The following EEIG2 variants were observed in gnomAD, a reference collection of about 807,000 sequenced individuals.
The protein encoded by EEIG2 is family with sequence similarity 102 member B.
the EEIG2 span, chr1:108,625,135 G>C: frequency 3.0e-5 from 5 of 164,530 alleles, no homozygotes; most frequent in African/African-American, 1.2e-4. Flanking sequence ...GTGTGCATCA[G>C]AGTCTCCTGG....
the EEIG2 span, among the ~76,000 whole-genome samples, chr1:108,582,573 G>T: frequency 6.6e-6 from 1 of 152,086 alleles, no homozygotes; most frequent in African/African-American, 2.4e-5. Flanking sequence ...GTCAGCAAAT[G>T]CTATCATGTG....
At chr1:108,606,382 GA>G in the EEIG2 span, 1 of 487,886 alleles carries the variant, frequency 2.0e-6, no homozygotes, top group Non-Finnish European at 3.6e-6. Context: ...GCAACTTGGA[GA>G]TTGAACAGTT....
At chr1:108,579,626 A>G in the EEIG2 span, among the ~76,000 whole-genome samples, 1 of 151,566 alleles carries the variant, frequency 6.6e-6, no homozygotes, top group Non-Finnish European at 1.5e-5. Flanking sequence ...CCCCAAATCA[A>G]CAGAATATAC....
the EEIG2 span, among the ~76,000 whole-genome samples, chr1:108,622,871 G>T: frequency 6.6e-6 from 1 of 152,152 alleles, no homozygotes; most frequent in African/African-American, 2.4e-5. Flanking sequence ...CCACCTCCCT[G>T]TTTTATCTCT....
chr1:108,636,295 A>G, the EEIG2 span: 2 of 152,216 alleles, frequency 1.3e-5, no homozygotes, highest in African/African-American at 4.8e-5. Context: ...CTGTTCTTAC[A>G]TGACGGTTTC....
chr1:108,599,767 G>C, the EEIG2 span, among the ~76,000 whole-genome samples: 1 of 152,204 alleles, frequency 6.6e-6, no homozygotes, highest in Non-Finnish European at 1.5e-5. Context: ...CGAGGCAGGT[G>C]GATTACCTGA....
the EEIG2 span, among the ~76,000 whole-genome samples, chr1:108,614,379 C>T: frequency 6.6e-6 from 1 of 152,156 alleles, no homozygotes. Context: ...AAGCCATGCT[C>T]ACTGCCATCT....
chr1:108,583,336 A>C, the EEIG2 span, among the ~76,000 whole-genome samples: 2 of 151,608 alleles, frequency 1.3e-5, no homozygotes, highest in South Asian at 4.2e-4. Flanking sequence ...GTAGAGATGG[A>C]GTTTCACCAC....
chr1:108,586,196 C>T, the EEIG2 span, among the ~76,000 whole-genome samples: 1 of 151,952 alleles, frequency 6.6e-6, no homozygotes, highest in African/African-American at 2.4e-5. Context: ...ATGCAGAAGA[C>T]TCCAGGAGTT....
At chr1:108,606,402 C>T in the EEIG2 span, 1 of 452,726 alleles carries the variant, frequency 2.2e-6, no homozygotes, top group Non-Finnish European at 4.0e-6. Flanking sequence ...TTGGATCTAA[C>T]AGTAAATTAT....
the EEIG2 span, among the ~76,000 whole-genome samples, chr1:108,567,204 A>C: frequency 6.6e-6 from 1 of 152,328 alleles, no homozygotes; most frequent in East Asian, 1.9e-4. Context: ...CTGACCAGAA[A>C]TGGAGTCATC....
the EEIG2 span, among the ~76,000 whole-genome samples, chr1:108,609,327 G>A: frequency 6.6e-6 from 1 of 152,160 alleles, no homozygotes; most frequent in African/African-American, 2.4e-5. Flanking sequence ...TGGAAGCAGG[G>A]GTCGTTGGAG....
the EEIG2 span, among the ~76,000 whole-genome samples, chr1:108,609,186 A>G: frequency 2.0e-5 from 3 of 152,224 alleles, no homozygotes; most frequent in African/African-American, 4.8e-5. Flanking sequence ...TGGTAAGCCA[A>G]TGGGCTATTG....
At chr1:108,622,372 G>C in the EEIG2 span, among the ~76,000 whole-genome samples, 1 of 152,168 alleles carries the variant, frequency 6.6e-6, no homozygotes, top group Admixed American at 6.5e-5. Context: ...GGAGACCCTT[G>C]CAGTCAGCCA....
the EEIG2 span, among the ~76,000 whole-genome samples, chr1:108,599,184 A>G: frequency 6.6e-6 from 1 of 152,100 alleles, no homozygotes; most frequent in South Asian, 2.1e-4. Flanking sequence ...AACAACAAAA[A>G]AAAAACAACT....
chr1:108,562,371 CCT>C, the EEIG2 span, among the ~76,000 whole-genome samples: 30 of 152,212 alleles, frequency 2.0e-4, no homozygotes, highest in Admixed American at 3.3e-4. Context: ...TAAACTCACC[CCT>C]TTTTCTTCCA....
chr1:108,590,651 T>C, the EEIG2 span, among the ~76,000 whole-genome samples: 1 of 152,308 alleles, frequency 6.6e-6, no homozygotes, highest in African/African-American at 2.4e-5. Flanking sequence ...AGAGGCAGGA[T>C]TTGAACACAA....
At chr1:108,571,510 C>T in the EEIG2 span, among the ~76,000 whole-genome samples, 1 of 152,112 alleles carries the variant, frequency 6.6e-6, no homozygotes, top group Non-Finnish European at 1.5e-5. Flanking sequence ...AAAAACAGAA[C>T]AGTAGGACAG....
At chr1:108,563,259 T>G in the EEIG2 span, among the ~76,000 whole-genome samples, 1 of 152,244 alleles carries the variant, frequency 6.6e-6, no homozygotes, top group East Asian at 1.9e-4. Context: ...GAATTTTGGT[T>G]CTTGCTAGGC....
Sources: gnomAD v4.1 joint callset for allele counts (sites outside exome capture counted in the v4.1 genomes callset) on GRCh38, gnomAD v4.1.1 for gene constraint, MANE v1.5 for transcripts, NCBI Gene and HGNC (gene_info 2026-07-23, HGNC 2026-07-21) for gene names.